Variants in XPO6 observed in about 807,000 individuals in gnomAD.
XPO6 encodes exportin 6.
A neutral mutation model predicts 130.0 loss-of-function variants in XPO6; 3 were observed. That is an observed-to-expected ratio of 0.02 (90% CI 0.01 to 0.06). The LOEUF is 0.06. Ranked by LOEUF, XPO6 falls within the 10% of genes least tolerant of loss-of-function variation. XPO6 has a pLI of 1.00. For synonymous variants in XPO6, 524 were observed against 548.9 expected, an observed-to-expected ratio of 0.95 and a Z score of 0.63; for missense variants, 970 against 1,393.0, an observed-to-expected ratio of 0.70 and a Z score of 4.83.
At chr16:28,171,068 C>T (rs1208667718) in intron 4 of XPO6, among the ~76,000 whole-genome samples, 2 of 149,636 alleles carry the variant, frequency 1.3e-5, no homozygotes, top group Non-Finnish European at 3.0e-5. Context: ...AATTCCCTGA[C>T]ACACTTTTTT....
intron 1 of XPO6, among the ~76,000 whole-genome samples, chr16:28,199,197 A>G (rs1335144408): frequency 6.6e-6 from 1 of 152,262 alleles, no homozygotes; most frequent in Non-Finnish European, 1.5e-5. Context: ...GTTTTTATTT[A>G]AAAGGACATG....
At position 28,098,214 on chromosome 16, in the gene XPO6, T is replaced by C. The variant is rs2086575336; in HGVS notation, c.*324A>G. On this transcript the variant is annotated 3_prime_UTR_variant, in exon 24 of 24. Coordinates refer to ENST00000304658, the MANE Select transcript of XPO6 (RefSeq NM_015171.4). Reference sequence around the variant, plus strand: ...AAGGTGGCACTGTCGTGAGCTGTCCTTGGCAATTCTGCCCCATGAGCCACG... The same window carrying C: ...AAGGTGGCACTGTCGTGAGCTGTCCCTGGCAATTCTGCCCCATGAGCCACG... The C allele has an allele frequency of 4.0e-6, 1 of 251,634 alleles. No individual in the cohort carries two copies. Among genetic ancestry groups the C allele is most frequent in the Non-Finnish European group, 7.7e-6 (1 of 130,060 alleles). 15.6% of individuals were successfully genotyped at this position (251,634 alleles called of 1,614,324 possible).
At chr16:28,146,022 T>C in intron 9 of XPO6, 72 bp downstream of exon 9, 3 of 1,175,406 alleles carry the variant, frequency 2.6e-6, no homozygotes, top group Non-Finnish European at 3.8e-6. Flanking sequence ...TCCAAATGCA[T>C]GGCTGTCTCT....
intron 8 of XPO6, among the ~76,000 whole-genome samples, chr16:28,149,058 T>TAAAAAAAAAAAAAAAAA (rs71389526): frequency 9.3e-6 from 1 of 107,122 alleles, no homozygotes; most frequent in Non-Finnish European, 1.9e-5. Context: ...AAAAAGAAAA[T>TAAAAAAAAAAAAAAAAA]AAAAAAAAAA....
chr16:28,198,913 G>GT (rs752196969), intron 1 of XPO6, among the ~76,000 whole-genome samples: 5 of 152,192 alleles, frequency 3.3e-5, no homozygotes, highest in Non-Finnish European at 7.4e-5. Flanking sequence ...GGAGGCCGAG[G>GT]TGGGTGGATC....
intron 1 of XPO6, among the ~76,000 whole-genome samples, chr16:28,191,032 C>T (rs1160578806): frequency 6.6e-6 from 1 of 152,000 alleles, no homozygotes; most frequent in African/African-American, 2.4e-5. Context: ...TTTAAAATAC[C>T]ATCCACTGGC....
chr16:28,172,451 A>G (rs2043464544), intron 4 of XPO6, among the ~76,000 whole-genome samples: 1 of 152,162 alleles, frequency 6.6e-6, no homozygotes, highest in Non-Finnish European at 1.5e-5. Flanking sequence ...TTAAGTCTCT[A>G]GCCCCACGTA....
intron 4 of XPO6, among the ~76,000 whole-genome samples, chr16:28,170,900 G>A (rs2043438056): frequency 1.3e-5 from 2 of 152,054 alleles, no homozygotes; most frequent in South Asian, 4.1e-4. Context: ...AAAATTCAAA[G>A]CATTACTATT....
chr16:28,167,137 C>T (rs2036648918), intron 5 of XPO6: 2 of 985,292 alleles, frequency 2.0e-6, no homozygotes, highest in Non-Finnish European at 2.4e-6. Context: ...TCTGAAGCCT[C>T]TCAAGTCTCC....
At chr16:28,208,590 T>C (rs985300566) in intron 1 of XPO6, among the ~76,000 whole-genome samples, 1 of 152,162 alleles carries the variant, frequency 6.6e-6, no homozygotes, top group East Asian at 1.9e-4. Flanking sequence ...TGACAAAAAC[T>C]TTGACTTGCA....
At position 28,180,851 on chromosome 16, in the gene XPO6, C is replaced by G. The variant is rs1596944063; in HGVS notation, c.94+90G>C. On this transcript the variant is annotated intron_variant, in intron 2 of 23. Coordinates refer to ENST00000304658, the MANE Select transcript of XPO6 (RefSeq NM_015171.4). ...AGAATTCAAGTGGAAAGCACGCAGA[C>G]TTGACCAGTCACGGCTACGAACAAC... 13 of 1,045,118 alleles carry G rather than the reference C, an allele frequency of 1.2e-5. No individual in the cohort carries two copies. The East Asian group carries it at 3.2e-4, about 26-fold the overall frequency. 64.7% of individuals were successfully genotyped at this position (1,045,118 alleles called of 1,614,324 possible). A position where few individuals can be genotyped will look rare whatever the true frequency, so the allele number is the denominator to read the frequency against.
chr16:28,137,784 T>C (rs557560072), intron 9 of XPO6, among the ~76,000 whole-genome samples: 10 of 152,298 alleles, frequency 6.6e-5, no homozygotes, highest in African/African-American at 2.4e-4. Context: ...TACTGCGTGA[T>C]GCTGAGGTTT....
chr16:28,114,217 A>AC (rs1331568518), intron 15 of XPO6, among the ~76,000 whole-genome samples: 4 of 150,614 alleles, frequency 2.7e-5, no homozygotes, highest in Non-Finnish European at 4.4e-5. Flanking sequence ...AAAAAAAAAA[A>AC]CCACTGGACA....
At chr16:28,149,651 T>C (rs2043050883) in intron 8 of XPO6, among the ~76,000 whole-genome samples, 1 of 152,170 alleles carries the variant, frequency 6.6e-6, no homozygotes, top group African/African-American at 2.4e-5. Flanking sequence ...GTTTGTGGCC[T>C]ACACCACCTA....
chr16:28,189,955 T>C (rs1462519642), intron 1 of XPO6, among the ~76,000 whole-genome samples: 2 of 152,220 alleles, frequency 1.3e-5, no homozygotes, highest in Admixed American at 1.3e-4. Context: ...GTCTGTCTCT[T>C]CCTCTAATTA....
At chr16:28,134,686 T>TA (rs202092107) in intron 10 of XPO6, among the ~76,000 whole-genome samples, 168 of 151,692 alleles carry the variant, frequency 1.1e-3, no homozygotes, top group African/African-American at 3.7e-3. Context: ...CCTAATGGTT[T>TA]AAAAAAAAAC....
At chr16:28,116,055 TCAA>T (rs1199334748) in intron 15 of XPO6, among the ~76,000 whole-genome samples, 1 of 152,226 alleles carries the variant, frequency 6.6e-6, no homozygotes, top group African/African-American at 2.4e-5. Flanking sequence ...CTTCCTCATA[TCAA>T]CAACAAGGCT....
chr16:28,172,430 C>T (rs2043463950), intron 4 of XPO6, among the ~76,000 whole-genome samples: 2 of 152,168 alleles, frequency 1.3e-5, no homozygotes, highest in Non-Finnish European at 2.9e-5. Flanking sequence ...CTCTCCTATG[C>T]TGCTTGCCCC....
chr16:28,153,869 C>G, intron 7 of XPO6: 1 of 985,428 alleles, frequency 1.0e-6, no homozygotes, highest in Non-Finnish European at 1.2e-6. Context: ...AAAAGCAAAA[C>G]TGGCCCGGAA....
Sources: gnomAD v4.1 joint callset for allele counts (sites outside exome capture counted in the v4.1 genomes callset) on GRCh38, gnomAD v4.1.1 for gene constraint, MANE v1.5 for transcripts, NCBI Gene and HGNC (gene_info 2026-07-23, HGNC 2026-07-21) for gene names.